The following NCALD variants were observed in gnomAD, a reference collection of about 807,000 sequenced individuals.
NCALD encodes neurocalcin delta, also known as neurocalcin-delta.
A neutral mutation model predicts 18.6 loss-of-function variants in NCALD; 10 were observed. That is an observed-to-expected ratio of 0.54 (90% CI 0.33 to 0.91). The LOEUF is 0.91. NCALD is among the 40% of genes least tolerant of loss of function. The pLI is 0.03. For synonymous variants in NCALD, 88 were observed against 87.4 expected (o/e 1.01, Z -0.04); for missense variants, 184 against 247.6 (o/e 0.74, Z 1.72).
At chr8:101,838,696 C>T (rs1380857917) in intron 4 of NCALD, among the ~76,000 whole-genome samples, 1 of 152,180 alleles carries the variant, frequency 6.6e-6, no homozygotes, top group Admixed American at 6.5e-5. Flanking sequence ...AATTTTGGTG[C>T]TTCACTGGAA....
At chr8:102,111,412 A>G (rs938272744) in intron 1 of NCALD, among the ~76,000 whole-genome samples, 3 of 147,656 alleles carry the variant, frequency 2.0e-5, no homozygotes, top group Non-Finnish European at 4.5e-5. Flanking sequence ...GTCTAAAGAG[A>G]TGTGTGTGTG....
At chr8:101,997,608 G>A (rs893000811) in intron 2 of NCALD, among the ~76,000 whole-genome samples, 1 of 152,050 alleles carries the variant, frequency 6.6e-6, no homozygotes, top group Non-Finnish European at 1.5e-5. Flanking sequence ...TAATCTTCTC[G>A]GCATGGCGTT....
At chr8:101,813,821 A>G (rs1385681038) in intron 4 of NCALD, among the ~76,000 whole-genome samples, 1 of 152,092 alleles carries the variant, frequency 6.6e-6, no homozygotes, top group Non-Finnish European at 1.5e-5. Context: ...ATTAGAATTC[A>G]TGGTGAAAAT....
chr8:101,980,332 T>A (rs1008378507), intron 2 of NCALD, among the ~76,000 whole-genome samples: 6 of 152,182 alleles, frequency 3.9e-5, no homozygotes, highest in Non-Finnish European at 5.9e-5. Flanking sequence ...GGGGGAGGCA[T>A]GCACAGTGCA....
At chr8:101,803,887 T>C (rs1187241338) in intron 4 of NCALD, among the ~76,000 whole-genome samples, 1 of 152,212 alleles carries the variant, frequency 6.6e-6, no homozygotes, top group East Asian at 1.9e-4. Context: ...GAGGATTGAT[T>C]CCAATTTTCT....
intron 2 of NCALD, among the ~76,000 whole-genome samples, chr8:101,920,350 A>AT (rs1818118987): frequency 6.6e-6 from 1 of 152,212 alleles, no homozygotes; most frequent in Non-Finnish European, 1.5e-5. Flanking sequence ...CAGAACTACC[A>AT]TTTTACCTAG....
chr8:101,720,000 A>C (rs1425778467), intron 1 of NCALD, among the ~76,000 whole-genome samples: 1 of 152,206 alleles, frequency 6.6e-6, no homozygotes. Context: ...AATTTGCCAG[A>C]GGTTGAGCTT....
intron 2 of NCALD, among the ~76,000 whole-genome samples, chr8:101,932,550 T>C (rs1360877795): frequency 6.6e-6 from 1 of 152,202 alleles, no homozygotes; most frequent in Non-Finnish European, 1.5e-5. Flanking sequence ...TTCTTTCCAT[T>C]TTTTTCCCTT....
intron 1 of NCALD, among the ~76,000 whole-genome samples, chr8:101,769,721 T>C (rs1015677779): frequency 1.3e-5 from 2 of 152,122 alleles, no homozygotes; most frequent in African/African-American, 4.8e-5. Context: ...GGTTAAAAAC[T>C]CTTCCTAATT....
Position 101,800,648 on chromosome 8 carries a change from A to T in NCALD, c.-19-81000T>A, listed in dbSNP as rs111897324. 5.9e-3 allele frequency among the ~76,000 whole-genome samples: 889 copies of T among 151,876 alleles called. 11 individuals are homozygous for T. The highest frequency in any genetic ancestry group is 0.018 in the African/African-American group (758 of 41,398). ...ATGCAAGAGACACACTTTGAAATCA[A>T]GAGTACAGAAAGGCTAAAAGTAAAA... On this transcript the variant is annotated intron_variant, in intron 4 of 6. Coordinates refer to the NCALD transcript ENST00000311028.
intron 2 of NCALD, among the ~76,000 whole-genome samples, chr8:101,974,789 G>A (rs1227251034): frequency 6.6e-6 from 1 of 152,160 alleles, no homozygotes; most frequent in Non-Finnish European, 1.5e-5. Flanking sequence ...TACATTCAGG[G>A]TAGAAAGATC....
At chr8:101,769,042 G>A (rs193094874) in intron 1 of NCALD, among the ~76,000 whole-genome samples, 33 of 152,294 alleles carry the variant, frequency 2.2e-4, no homozygotes, top group African/African-American at 7.7e-4. Flanking sequence ...TGGAAGCAAG[G>A]TCTGAGTGCT....
chr8:101,863,177 T>C (rs964345073), intron 4 of NCALD, among the ~76,000 whole-genome samples: 1 of 152,162 alleles, frequency 6.6e-6, no homozygotes, highest in Non-Finnish European at 1.5e-5. Context: ...TCACCTCTCA[T>C]TCTCTTTCAT....
chr8:102,076,922 G>A (rs770231131), intron 1 of NCALD, among the ~76,000 whole-genome samples: 9 of 152,256 alleles, frequency 5.9e-5, no homozygotes, highest in South Asian at 2.1e-4. Flanking sequence ...TGGCCCACCC[G>A]TGACTCACAC....
chr8:101,902,735 C>A (rs1817480702), intron 3 of NCALD, among the ~76,000 whole-genome samples: 1 of 152,220 alleles, frequency 6.6e-6, no homozygotes, highest in South Asian at 2.1e-4. Flanking sequence ...GCTTTTTTTA[C>A]TTTTCTCTCC....
intron 4 of NCALD, among the ~76,000 whole-genome samples, chr8:101,844,032 C>T (rs1042669880): frequency 6.6e-6 from 1 of 152,160 alleles, no homozygotes; most frequent in Non-Finnish European, 1.5e-5. Context: ...TTTTTAAAGT[C>T]GCTAGGCCCA....
intron 2 of NCALD, among the ~76,000 whole-genome samples, chr8:101,985,262 G>A (rs1820765178): frequency 6.6e-6 from 1 of 152,094 alleles, no homozygotes; most frequent in African/African-American, 2.4e-5. Flanking sequence ...AGTCATGTGA[G>A]TGAGCCGTCT....
chr8:101,892,201 G>A (rs966519337), intron 3 of NCALD, among the ~76,000 whole-genome samples: 2 of 149,696 alleles, frequency 1.3e-5, no homozygotes, highest in African/African-American at 5.1e-5. Flanking sequence ...GTGGGTCCCT[G>A]ACCCCTGACC....
chr8:101,702,096 C>T (rs1815293611), intron 2 of NCALD, among the ~76,000 whole-genome samples: 1 of 152,094 alleles, frequency 6.6e-6, no homozygotes, highest in South Asian at 2.1e-4. Flanking sequence ...GCCTTTTCAA[C>T]CGAGCAGTTC....
Sources: gnomAD v4.1 joint callset for allele counts (sites outside exome capture counted in the v4.1 genomes callset) on GRCh38, gnomAD v4.1.1 for gene constraint, MANE v1.5 for transcripts, NCBI Gene and HGNC (gene_info 2026-07-23, HGNC 2026-07-21) for gene names.